AGO3: variants seen among roughly 807,000 people sequenced by gnomAD.
AGO3 encodes protein argonaute-3.
In AGO3, 16 loss-of-function variants were observed where a neutral mutation model predicts 105.5. The observed-to-expected ratio is 0.15, with a 90% CI of 0.10 to 0.23. AGO3 has a LOEUF of 0.23. Among genes scored for constraint, AGO3 ranks in the 10% least tolerant of loss-of-function variants. The pLI is 1.00. For missense variants in AGO3, 534 were observed against 1,088.0 expected, an observed-to-expected ratio of 0.49 and a Z score of 7.16; for synonymous variants, 340 against 367.3, an observed-to-expected ratio of 0.93 and a Z score of 0.85.
At chr1:35,946,137 T>C (rs533205621) in intron 2 of AGO3, among the ~76,000 whole-genome samples, 2 of 152,312 alleles carry the variant, frequency 1.3e-5, no homozygotes, top group South Asian at 2.1e-4. Flanking sequence ...CTGCACATCA[T>C]GAGCACATCA....
intron 5 of AGO3, among the ~76,000 whole-genome samples, chr1:36,003,709 A>AAATATAT (rs1295618675): frequency 9.4e-4 from 93 of 99,426 alleles, no homozygotes; most frequent in African/African-American, 2.1e-3. Context: ...AAAAAAAAAA[A>AAATATAT]ATATATATAT....
chr1:36,048,289 T>TTCAA (rs139653844), intron 17 of AGO3, among the ~76,000 whole-genome samples: 112 of 152,034 alleles, frequency 7.4e-4, no homozygotes, highest in South Asian at 6.2e-4. Flanking sequence ...GTCTCAATCA[T>TTCAA]TCAATCAATC....
chr1:35,971,607 T>C (rs764532531), intron 3 of AGO3, among the ~76,000 whole-genome samples: 43 of 152,182 alleles, frequency 2.8e-4, no homozygotes, highest in Admixed American at 1.8e-3. Flanking sequence ...TCTTTGTTTC[T>C]GGTTCATGCT....
rs866328194 is a variant in AGO3 at position 36,003,717 on chromosome 1, T to A, written c.659-624T>A. ...CTCAAAAAAAAAAAAAAAATATATA[T>A]ATATATATATATATATATATATGTA... On this transcript the variant is annotated intron_variant, in intron 5 of 18. Transcript: ENST00000373191. Among the ~76,000 whole-genome samples the A allele has an allele frequency of 7.0e-3, 845 of 120,996 alleles. 9 individuals carry two copies. Among genetic ancestry groups the A allele is most frequent in the African/African-American group, 0.022 (623 of 28,642 alleles). 79.4% of individuals were successfully genotyped at this position (120,996 alleles called of 152,430 possible). A position where few individuals can be genotyped will look rare whatever the true frequency, so the allele number is the denominator to read the frequency against.
At chr1:36,053,334 G>A (rs1489579046) in intron 17 of AGO3, among the ~76,000 whole-genome samples, 1 of 151,798 alleles carries the variant, frequency 6.6e-6, no homozygotes, top group Non-Finnish European at 1.5e-5. Context: ...AGGCTGGAGT[G>A]CACTGGTGCA....
intron 5 of AGO3, 45 bp from the exon 6 acceptor site, chr1:36,004,296 T>C: frequency 6.4e-7 from 1 of 1,565,676 alleles, no homozygotes; most frequent in South Asian, 1.2e-5. Context: ...TTTCTGAATT[T>C]TTTAGGGAAA....
intron 5 of AGO3, among the ~76,000 whole-genome samples, chr1:35,980,963 GTCT>G (rs1474226659): frequency 6.6e-6 from 1 of 151,986 alleles, no homozygotes; most frequent in Non-Finnish European, 1.5e-5. Flanking sequence ...TTGCATTTTA[GTCT>G]TCATCTTTTT....
rs1642977741 is a variant in AGO3 at position 36,058,118 on chromosome 1, A to G, written c.*2373A>G. On this transcript the variant is annotated 3_prime_UTR_variant, in exon 19 of 19. Coordinates refer to ENST00000373191, the MANE Select transcript of AGO3 (RefSeq NM_024852.4). ...TTTGCAAATAGATTGTGTTTATTGA[A>G]GAATCATATTGGCTAGATGCCCATT... is the stretch of plus-strand genomic sequence containing the variant. The G allele has an allele frequency of 6.6e-6, 1 of 152,252 alleles. No individual in the cohort carries two copies. The highest frequency in any genetic ancestry group is 6.5e-5 in the Admixed American group (1 of 15,286). 9.4% of individuals were successfully genotyped at this position (152,252 alleles called of 1,614,324 possible).
At chr1:35,957,332 G>A (rs948731833) in intron 2 of AGO3, among the ~76,000 whole-genome samples, 3 of 151,858 alleles carry the variant, frequency 2.0e-5, no homozygotes, top group Non-Finnish European at 4.4e-5. Context: ...CTCCAGCCTG[G>A]GCGACAGAGC....
intron 1 of AGO3, among the ~76,000 whole-genome samples, chr1:35,944,757 G>A (rs1646329918): frequency 1.3e-5 from 2 of 151,814 alleles, no homozygotes; most frequent in Admixed American, 1.3e-4. Flanking sequence ...GCCCGCTTTG[G>A]CCTCCCAAAG....
At chr1:35,969,286 C>T (rs965072027) in intron 3 of AGO3, among the ~76,000 whole-genome samples, 1 of 151,992 alleles carries the variant, frequency 6.6e-6, no homozygotes, top group African/African-American at 2.4e-5. Flanking sequence ...AATTTGCAAA[C>T]ATTTTCTTAC....
At chr1:36,044,314 C>T (rs930887023) in intron 17 of AGO3, among the ~76,000 whole-genome samples, 3 of 152,014 alleles carry the variant, frequency 2.0e-5, no homozygotes, top group African/African-American at 7.2e-5. Context: ...TGCCACTGCA[C>T]TCCAGGCTAG....
intron 6 of AGO3, chr1:36,006,004 T>C (rs1202137359): frequency 8.7e-6 from 6 of 690,780 alleles, no homozygotes; most frequent in Non-Finnish European, 8.9e-6. Context: ...TAGATTTTGG[T>C]CTAATTCTTA....
At chr1:36,040,649 A>T (rs1642204844) in intron 16 of AGO3, among the ~76,000 whole-genome samples, 1 of 152,066 alleles carries the variant, frequency 6.6e-6, no homozygotes, top group Non-Finnish European at 1.5e-5. Context: ...TCAAAATCTC[A>T]TTCTACTTTT....
At chr1:35,952,181 C>T (rs372931516) in intron 2 of AGO3, among the ~76,000 whole-genome samples, 94 of 137,480 alleles carry the variant, frequency 6.8e-4, no homozygotes, top group African/African-American at 2.2e-3. Context: ...GAGTCTCGCT[C>T]TGTCACCTAG....
intron 2 of AGO3, among the ~76,000 whole-genome samples, chr1:35,957,033 G>A (rs538630258): frequency 1.3e-5 from 2 of 152,194 alleles, no homozygotes; most frequent in African/African-American, 2.4e-5. Context: ...CTGAAAATGC[G>A]CCATTACACA....
At chr1:35,937,288 C>G (rs192513079) in intron 1 of AGO3, among the ~76,000 whole-genome samples, 1 of 151,414 alleles carries the variant, frequency 6.6e-6, no homozygotes, top group South Asian at 2.1e-4. Context: ...CTGTAATACC[C>G]GCTACTCGGG....
intron 1 of AGO3, among the ~76,000 whole-genome samples, chr1:35,934,353 G>A (rs898429769): frequency 6.6e-6 from 1 of 152,128 alleles, no homozygotes; most frequent in Non-Finnish European, 1.5e-5. Flanking sequence ...GATGTTTGGT[G>A]GAAGTTTTAT....
Position 36,047,941 on chromosome 1 carries a change from A to G in AGO3, c.2274+4393A>G, listed in dbSNP as rs997241766. 1.1e-4 allele frequency among the ~76,000 whole-genome samples: 16 copies of G among 152,222 alleles called. No homozygotes were observed. In the South Asian group the frequency reaches 1.9e-3, roughly 18 times the overall value. ...TCTGGGGAGAAATATAGACATCTAG[A>G]TCTAGGAGGCTCAAAAGTCTCCAAA... is the stretch of plus-strand genomic sequence containing the variant. On this transcript the variant is annotated intron_variant, in intron 17 of 18. Coordinates refer to ENST00000373191, the MANE Select transcript of AGO3 (RefSeq NM_024852.4).
Sources: gnomAD v4.1 joint callset for allele counts (sites outside exome capture counted in the v4.1 genomes callset) on GRCh38, gnomAD v4.1.1 for gene constraint, MANE v1.5 for transcripts, NCBI Gene and HGNC (gene_info 2026-07-23, HGNC 2026-07-21) for gene names.